USH2A: variants seen among roughly 807,000 people sequenced by gnomAD.
USH2A encodes usherin, also known as Usher syndrome 2A (autosomal recessive, mild).
Under a neutral mutation model 538.9 loss-of-function variants are expected in USH2A, and 443 were observed. That is an observed-to-expected ratio of 0.82 (90% confidence interval 0.76 to 0.89). The LOEUF is 0.89. USH2A is among the 40% of genes least tolerant of loss of function. USH2A has a pLI of 0.00. For synonymous variants in USH2A, 2,413 were observed against 2,273.5 expected, an observed-to-expected ratio of 1.06 and a Z score of -1.75; for missense variants, 6,633 against 6,324.8, an observed-to-expected ratio of 1.05 and a Z score of -1.65.
At chr1:216,182,618 T>G (rs942368052) in intron 20 of USH2A, among the ~76,000 whole-genome samples, 3 of 152,074 alleles carry the variant, frequency 2.0e-5, no homozygotes, top group Non-Finnish European at 4.4e-5. Context: ...TGCCAGCATT[T>G]CACTCTGAAC....
At chr1:216,219,862 T>A (rs925820664) in intron 14 of USH2A, among the ~76,000 whole-genome samples, 1 of 152,100 alleles carries the variant, frequency 6.6e-6, no homozygotes, top group Non-Finnish European at 1.5e-5. Context: ...TTCATTATGG[T>A]AAACAAAACA....
intron 3 of USH2A, among the ~76,000 whole-genome samples, chr1:216,395,366 A>C (rs1207563795): frequency 6.6e-6 from 1 of 152,202 alleles, no homozygotes; most frequent in Non-Finnish European, 1.5e-5. Flanking sequence ...TATCTTTGAA[A>C]TTCTTTTAAT....
At chr1:216,345,614 T>C (rs1021194253) in intron 4 of USH2A, among the ~76,000 whole-genome samples, 7 of 152,102 alleles carry the variant, frequency 4.6e-5, no homozygotes, top group African/African-American at 1.7e-4. Flanking sequence ...TGAAAAAGGA[T>C]TTGTGAGGCT....
intron 11 of USH2A, among the ~76,000 whole-genome samples, chr1:216,271,960 A>T (rs756671447): frequency 3.9e-5 from 6 of 152,126 alleles, no homozygotes; most frequent in Non-Finnish European, 8.8e-5. Context: ...GGAATATTCT[A>T]ATGGGCTTTT....
intron 60 of USH2A, among the ~76,000 whole-genome samples, 186 bp downstream of exon 60, chr1:215,741,189 A>C (rs564313148): frequency 6.6e-6 from 1 of 152,314 alleles, no homozygotes; most frequent in South Asian, 2.1e-4. Context: ...AAGTTTGAGC[A>C]CCAGTCTTAG....
chr1:216,243,150 A>C (rs2102539791), intron 13 of USH2A, among the ~76,000 whole-genome samples: 1 of 152,300 alleles, frequency 6.6e-6, no homozygotes, highest in Non-Finnish European at 1.5e-5. Context: ...TGTCCTTGGA[A>C]GGAAGAGTGA....
intron 37 of USH2A, among the ~76,000 whole-genome samples, chr1:215,945,335 C>A (rs1048024335): frequency 6.6e-6 from 1 of 152,126 alleles, no homozygotes; most frequent in Non-Finnish European, 1.5e-5. Flanking sequence ...AGGCTGGATA[C>A]CTTCAAAGGC....
At chr1:216,082,794 C>T (rs1047406213) in intron 26 of USH2A, among the ~76,000 whole-genome samples, 4 of 152,032 alleles carry the variant, frequency 2.6e-5, no homozygotes, top group Non-Finnish European at 5.9e-5. Context: ...AAATACTACA[C>T]AGCCAAGAAA....
chr1:215,741,331 C>G, intron 60 of USH2A, 44 bp downstream of exon 60: 1 of 1,590,088 alleles, frequency 6.3e-7, no homozygotes, highest in Non-Finnish European at 8.6e-7. Flanking sequence ...TGGAGCAGTA[C>G]GCATTCTTAA....
In USH2A at chr1:216,198,297, TA is replaced by T. The variant is rs750459531; in HGVS notation, c.4081+17del. 8.7e-6 allele frequency: 14 copies of T among 1,613,712 alleles called. No individual in the cohort carries two copies. The highest frequency in any genetic ancestry group is 3.3e-4 in the Middle Eastern group (2 of 6,082). On this transcript the variant is annotated intron_variant, in intron 18 of 71. Transcript: ENST00000307340. ...ATTCAGAGGTTTTAAAAGTAGAATT[TA>T]AAACATTGATCTTTACCTGATTCTC...
chr1:216,416,780 T>C (rs2039584550), intron 3 of USH2A, among the ~76,000 whole-genome samples: 1 of 151,858 alleles, frequency 6.6e-6, no homozygotes, highest in Non-Finnish European at 1.5e-5. Flanking sequence ...TGCCAAAACA[T>C]GGCACAGTTT....
chr1:216,155,916 A>G (rs1228284778), intron 21 of USH2A, among the ~76,000 whole-genome samples: 1 of 152,220 alleles, frequency 6.6e-6, no homozygotes, highest in African/African-American at 2.4e-5. Context: ...ATTAAATAAA[A>G]TTGCAACTTT....
chr1:215,728,071 G>A lies in USH2A; in HGVS notation c.12025C>T (p.Pro4009Ser). 6.2e-7 allele frequency: 1 copy of A among 1,614,174 alleles called. No individual in the cohort carries two copies. Among genetic ancestry groups the A allele is most frequent in the South Asian group, 1.1e-5 (1 of 91,084 alleles). Residue 4009 changes from proline (P) to serine (S), a missense_variant, in exon 61 of 72, where the codon CCT (proline) becomes TCT (serine). Transcript: ENST00000307340. ...RVVYQERPDDPTFNSPTVHAF... is the reference protein window; with the variant it reads ...RVVYQERPDDSTFNSPTVHAF... ...TGCACGGTAGGGCTGTTAAATGTAGGATCGTCGGGTCTCTCCTGGTAGACC... is the reference window on the plus strand; with the variant it reads ...TGCACGGTAGGGCTGTTAAATGTAGAATCGTCGGGTCTCTCCTGGTAGACC...
chr1:215,867,465 T>G (rs970563325), intron 43 of USH2A, among the ~76,000 whole-genome samples: 1 of 152,224 alleles, frequency 6.6e-6, no homozygotes, highest in African/African-American at 2.4e-5. Flanking sequence ...CTTATTCTTA[T>G]TGTTTTCAGA....
intron 3 of USH2A, among the ~76,000 whole-genome samples, chr1:216,385,563 A>ATCACC (rs2038990232): frequency 6.6e-6 from 1 of 152,230 alleles, no homozygotes; most frequent in Non-Finnish European, 1.5e-5. Context: ...TAATCCAACT[A>ATCACC]GAATTTTGGG....
At chr1:215,791,534 T>C (rs1315217822) in intron 50 of USH2A, among the ~76,000 whole-genome samples, 1 of 152,220 alleles carries the variant, frequency 6.6e-6, no homozygotes, top group East Asian at 1.9e-4. Flanking sequence ...TCTTTTTACT[T>C]ACAAAAGTCT....
rs537418845 is a variant in USH2A, at chr1:215,900,354, A to T, written c.7452-137T>A. ...TTGTAATTTTCTGCCATCAAATGAG[A>T]TCTCTTTTAAAATAAGTAGCCATTG... is the stretch of plus-strand genomic sequence containing the variant. On this transcript the variant is annotated intron_variant, in intron 39 of 71. Coordinates refer to ENST00000307340, the MANE Select transcript of USH2A (RefSeq NM_206933.4). 6.8e-5 allele frequency: 65 copies of T among 961,364 alleles called. No individual in the cohort carries two copies. The African/African-American group carries it at 1.0e-3, about 15-fold the overall frequency. The allele number at this position is 961,364 out of a possible 1,614,324, so 59.6% of individuals were successfully genotyped here. A position where few individuals can be genotyped will look rare whatever the true frequency, so the allele number is the denominator to read the frequency against.
At chr1:215,918,883 T>G (rs1666028224) in intron 38 of USH2A, among the ~76,000 whole-genome samples, 1 of 152,122 alleles carries the variant, frequency 6.6e-6, no homozygotes, top group Admixed American at 6.6e-5. Context: ...TATTATCCAG[T>G]ATAGCATTGG....
At chr1:215,900,730 A>G (rs767407094) in intron 39 of USH2A, 25 bp downstream of exon 39, 10 of 1,613,298 alleles carry the variant, frequency 6.2e-6, no homozygotes, top group Non-Finnish European at 7.6e-6. Context: ...CCCAGCTGAT[A>G]GAATGGACAA....
Sources: allele counts gnomAD v4.1 joint callset (sites outside exome capture counted in the v4.1 genomes callset), GRCh38; gene constraint gnomAD v4.1.1; transcripts MANE v1.5; gene names NCBI Gene and HGNC (gene_info 2026-07-23, HGNC 2026-07-21).